The following PSMD12 variants were observed in gnomAD, a reference collection of about 807,000 sequenced individuals.
The protein encoded by PSMD12 is proteasome 26S subunit, non-ATPase 12.
PSMD12 carries 8 observed loss-of-function variants against 62.9 expected under a neutral mutation model. That is an observed-to-expected ratio of 0.13 (90% CI 0.07 to 0.23). The LOEUF is 0.23. Among genes scored for constraint, PSMD12 ranks in the 10% least tolerant of loss-of-function variants. PSMD12 has a pLI of 1.00. For synonymous variants in PSMD12, 173 were observed against 187.4 expected (o/e 0.92, Z 0.63); for missense variants, 424 against 550.2 (o/e 0.77, Z 2.29).
chr17:67,339,853 A>C lies in PSMD12; in HGVS notation c.*990T>G, dbSNP rs2041894662. The C allele has an allele frequency of 1.3e-5, 2 of 152,050 alleles. No homozygotes were observed. Among genetic ancestry groups the C allele is most frequent in the South Asian group, 4.1e-4 (2 of 4,832 alleles). 9.4% of individuals were successfully genotyped at this position (152,050 alleles called of 1,614,324 possible). The stretch of plus-strand genomic sequence containing the variant: ...CTTTTAATTCCGTGAAAATATTTTA[A>C]TACTACACCACTTACTATGAGGGTG... On this transcript the variant is annotated 3_prime_UTR_variant, in exon 11 of 11. Coordinates refer to ENST00000356126, the MANE Select transcript of PSMD12 (RefSeq NM_002816.5).
chr17:67,344,065 A>G (rs1445218400), intron 9 of PSMD12, among the ~76,000 whole-genome samples: 3 of 152,212 alleles, frequency 2.0e-5, no homozygotes, highest in African/African-American at 7.2e-5. Flanking sequence ...TCTGGCACAC[A>G]GAAGGCTCAC....
chr17:67,358,842 A>C (rs184765998), intron 1 of PSMD12, among the ~76,000 whole-genome samples: 1 of 152,326 alleles, frequency 6.6e-6, no homozygotes, highest in Admixed American at 6.5e-5. Context: ...GCAGATACTG[A>C]TTCAACTGAA....
intron 9 of PSMD12, among the ~76,000 whole-genome samples, chr17:67,343,465 T>C (rs578153749): frequency 6.6e-6 from 1 of 152,138 alleles, no homozygotes; most frequent in East Asian, 1.9e-4. Context: ...TCAGAGGGAC[T>C]TGGTGCGCAG....
intron 1 of PSMD12, among the ~76,000 whole-genome samples, chr17:67,363,311 C>G (rs937950660): frequency 1.8e-4 from 27 of 152,148 alleles, no homozygotes; most frequent in Admixed American, 1.2e-3. Flanking sequence ...ACCACAACAC[C>G]TGGCTAATTT....
chr17:67,366,298 G>A, intron 1 of PSMD12, 114 bp downstream of exon 1: 5 of 1,019,248 alleles, frequency 4.9e-6, no homozygotes, highest in Non-Finnish European at 7.2e-6. Flanking sequence ...AACTAGGGCT[G>A]GACAGGCATT....
intron 1 of PSMD12, among the ~76,000 whole-genome samples, chr17:67,359,334 GAC>G (rs1336338259): frequency 6.6e-6 from 1 of 152,172 alleles, no homozygotes; most frequent in Non-Finnish European, 1.5e-5. Flanking sequence ...CAGCCTGGGT[GAC>G]AGAGTGAGAC....
intron 9 of PSMD12, among the ~76,000 whole-genome samples, chr17:67,343,361 G>A (rs980398459): frequency 2.6e-5 from 4 of 151,856 alleles, no homozygotes; most frequent in Non-Finnish European, 5.9e-5. Context: ...TCTTTAATCC[G>A]TTGGCTACTG....
At chr17:67,345,653 G>T in intron 8 of PSMD12, 92 bp downstream of exon 8, 1 of 1,002,420 alleles carries the variant, frequency 1.0e-6, no homozygotes, top group Non-Finnish European at 1.5e-6. Context: ...AAAAAAAGAA[G>T]TATACACAGA....
intron 1 of PSMD12, among the ~76,000 whole-genome samples, chr17:67,360,777 T>C (rs749030573): frequency 5.9e-5 from 9 of 152,220 alleles, no homozygotes; most frequent in East Asian, 1.9e-4. Flanking sequence ...GTTGAATGGA[T>C]TGGCACTCAC....
chr17:67,361,747 A>T (rs142986950), intron 1 of PSMD12, among the ~76,000 whole-genome samples: 3 of 152,090 alleles, frequency 2.0e-5, no homozygotes, highest in African/African-American at 7.2e-5. Context: ...ATTAACCATA[A>T]GAGGCTGAAG....
At chr17:67,346,425 C>G (rs2041967663) in intron 7 of PSMD12, among the ~76,000 whole-genome samples, 2 of 147,494 alleles carry the variant, frequency 1.4e-5, no homozygotes, top group South Asian at 4.3e-4. Context: ...ATTAGCTGGG[C>G]ATGGTGGCAC....
At chr17:67,345,913 C>T (rs977532403) in intron 7 of PSMD12, 56 bp from the exon 8 acceptor site, 4 of 1,452,450 alleles carry the variant, frequency 2.8e-6, no homozygotes, top group African/African-American at 1.4e-5. Flanking sequence ...GAAACTTTGA[C>T]AAAAACTGAA....
At chr17:67,350,693 G>C (rs1470018471) in intron 3 of PSMD12, among the ~76,000 whole-genome samples, 4 of 152,124 alleles carry the variant, frequency 2.6e-5, no homozygotes, top group Non-Finnish European at 4.4e-5. Context: ...GGCAAAAGGC[G>C]AAACGGTTCT....
chr17:67,358,046 G>A (rs996676941), intron 1 of PSMD12, among the ~76,000 whole-genome samples: 14 of 151,814 alleles, frequency 9.2e-5, no homozygotes, highest in South Asian at 2.1e-4. Context: ...CTCAGCCTCC[G>A]GAGCAGGTGG....
At chr17:67,357,167 G>C (rs2042082792) in intron 3 of PSMD12, 136 bp downstream of exon 3, 7 of 910,656 alleles carry the variant, frequency 7.7e-6, no homozygotes, top group Non-Finnish European at 9.5e-6. Flanking sequence ...TGAGAATGTA[G>C]ACTGAATTTT....
intron 3 of PSMD12, among the ~76,000 whole-genome samples, chr17:67,351,309 G>A (rs572679992): frequency 1.1e-4 from 16 of 151,860 alleles, no homozygotes; most frequent in Admixed American, 7.2e-4. Flanking sequence ...GGAGAATGGT[G>A]TGAACCCGGG....
intron 3 of PSMD12, among the ~76,000 whole-genome samples, chr17:67,353,366 G>C (rs1381089438): frequency 1.3e-5 from 2 of 150,214 alleles, no homozygotes; most frequent in Admixed American, 1.3e-4. Flanking sequence ...CCAGGCTAGA[G>C]TGCGATCTTG....
At chr17:67,347,633 C>G (rs2041980547) in intron 5 of PSMD12, 148 bp from the exon 6 acceptor site, 1 of 738,916 alleles carries the variant, frequency 1.4e-6, no homozygotes, top group African/African-American at 1.8e-5. Context: ...ACATTAAAAG[C>G]TAGTTACCGC....
Position 67,348,545 on chromosome 17 carries a change from C to T in PSMD12, c.510+5G>A. The T allele has an allele frequency of 6.2e-7, 1 of 1,608,438 alleles. No individual in the cohort carries two copies. Among genetic ancestry groups the T allele is most frequent in the African/African-American group, 1.3e-5 (1 of 74,884 alleles). ...TTTTACCAACTCTAAAATGCAATAC[C>T]TTACCTGTAACTCCTGTAAAATGGA... is the stretch of plus-strand genomic sequence containing the variant. On this transcript the variant is annotated splice_donor_5th_base_variant and intron_variant, in intron 5 of 10. Transcript: ENST00000356126.
Sources: gnomAD v4.1 joint callset for allele counts (sites outside exome capture counted in the v4.1 genomes callset) on GRCh38, gnomAD v4.1.1 for gene constraint, MANE v1.5 for transcripts, NCBI Gene and HGNC (gene_info 2026-07-23, HGNC 2026-07-21) for gene names.